Variants in IPCEF1 observed in about 807,000 individuals in gnomAD.
IPCEF1 encodes interactor protein for cytohesin exchange factors 1.
IPCEF1 carries 31 observed loss-of-function variants against 50.9 expected under a neutral mutation model. The ratio of observed to expected loss-of-function variants is 0.61; its 90% confidence interval spans 0.46 to 0.82. IPCEF1 has a LOEUF of 0.82. Ranked by LOEUF, IPCEF1 falls within the 40% of genes least tolerant of loss-of-function variation. IPCEF1 has a pLI of 0.00. For synonymous variants in IPCEF1, 181 were observed against 192.0 expected (o/e 0.94, Z 0.47); for missense variants, 458 against 514.0 (o/e 0.89, Z 1.05).
At chr6:154,173,004 G>A (rs148770767) in intron 10 of IPCEF1, among the ~76,000 whole-genome samples, 5 of 152,200 alleles carry the variant, frequency 3.3e-5, no homozygotes, top group Non-Finnish European at 5.9e-5. Context: ...TGCAGCCTCC[G>A]CTGGTGATAC....
At chr6:154,315,224 A>T (rs1168011877) in intron 1 of IPCEF1, among the ~76,000 whole-genome samples, 1 of 152,146 alleles carries the variant, frequency 6.6e-6, no homozygotes, top group Non-Finnish European at 1.5e-5. Flanking sequence ...TCTCCATTAG[A>T]CTAAAAGTCC....
chr6:154,157,460 G>C lies in IPCEF1; in HGVS notation c.*2368C>G, dbSNP rs1482930140. 1.3e-5 allele frequency: 2 copies of C among 152,222 alleles called. No individual in the cohort carries two copies. Among genetic ancestry groups the C allele is most frequent in the Admixed American group, 1.3e-4 (2 of 15,290 alleles). The allele number at this position is 152,222 out of a possible 1,614,324, so 9.4% of individuals were successfully genotyped here. ...TTAACTAGCAAAGCAAAAACTTCTA[G>C]GCTAATGTTCTTGACTTTGAAAAAT... On this transcript the variant is annotated 3_prime_UTR_variant, in exon 12 of 12. Coordinates refer to ENST00000367220, the MANE Select transcript of IPCEF1 (RefSeq NM_001130700.2).
At chr6:154,209,793 T>A (rs182973072) in intron 9 of IPCEF1, among the ~76,000 whole-genome samples, 3 of 152,198 alleles carry the variant, frequency 2.0e-5, no homozygotes, top group Admixed American at 2.0e-4. Context: ...AAATATGTGA[T>A]CAGGAGGAAC....
At chr6:154,286,663 G>A (rs974427609) in intron 2 of IPCEF1, among the ~76,000 whole-genome samples, 1 of 152,234 alleles carries the variant, frequency 6.6e-6, no homozygotes, top group Non-Finnish European at 1.5e-5. Flanking sequence ...AGAGGTGGAG[G>A]CTGTAAAATG....
chr6:154,308,963 AAAG>A (rs1374655523), intron 1 of IPCEF1, among the ~76,000 whole-genome samples: 1 of 152,264 alleles, frequency 6.6e-6, no homozygotes, highest in African/African-American at 2.4e-5. Context: ...TCTCATTTTA[AAAG>A]TGTAAACATC....
chr6:154,238,825 C>T (rs934201230), intron 5 of IPCEF1, among the ~76,000 whole-genome samples: 2 of 151,898 alleles, frequency 1.3e-5, no homozygotes, highest in Non-Finnish European at 2.9e-5. Flanking sequence ...GGATTACAGG[C>T]GTGAGCCACC....
intron 10 of IPCEF1, among the ~76,000 whole-genome samples, chr6:154,193,811 A>C (rs1312955883): frequency 1.3e-5 from 2 of 152,260 alleles, no homozygotes; most frequent in Non-Finnish European, 2.9e-5. Flanking sequence ...AAATGACCCC[A>C]GCATCAAACA....
chr6:154,273,716 C>G (rs998911934), intron 2 of IPCEF1, among the ~76,000 whole-genome samples: 6 of 28,034 alleles, frequency 2.1e-4, no homozygotes, highest in African/African-American at 4.8e-4. Flanking sequence ...TTCTTTCTTT[C>G]TTTCTTTCTT....
chr6:154,304,559 T>A (rs1050961029), intron 1 of IPCEF1, among the ~76,000 whole-genome samples: 24 of 152,204 alleles, frequency 1.6e-4, no homozygotes, highest in Admixed American at 6.5e-4. Flanking sequence ...ACCATTTATA[T>A]ATTCTGAATG....
intron 5 of IPCEF1, among the ~76,000 whole-genome samples, chr6:154,239,527 T>A (rs549524264): frequency 1.5e-4 from 23 of 152,322 alleles, no homozygotes; most frequent in African/African-American, 5.5e-4. Context: ...CTTTGATCCA[T>A]GAGTCATTGT....
At chr6:154,196,379 C>A (rs1293434712) in intron 10 of IPCEF1, among the ~76,000 whole-genome samples, 2 of 152,144 alleles carry the variant, frequency 1.3e-5, no homozygotes, top group Non-Finnish European at 2.9e-5. Flanking sequence ...AAACATCATG[C>A]ATGCTCTAGA....
intron 1 of IPCEF1, among the ~76,000 whole-genome samples, chr6:154,315,816 A>T (rs1018448261): frequency 2.7e-5 from 4 of 150,634 alleles, no homozygotes; most frequent in Non-Finnish European, 5.9e-5. Context: ...TCAAAATTAA[A>T]ATGTGCAATT....
chr6:154,317,513 C>T lies in IPCEF1; in HGVS notation c.-61-27757G>A, dbSNP rs190729587. ...GCAGTGAGCCAAGATTGCACCACTGCACTCCAACCTGGGCGACAGTGAGAG... is the reference window on the plus strand; with the variant it reads ...GCAGTGAGCCAAGATTGCACCACTGTACTCCAACCTGGGCGACAGTGAGAG... On this transcript the variant is annotated intron_variant, in intron 1 of 11. Coordinates refer to ENST00000367220, the MANE Select transcript of IPCEF1 (RefSeq NM_001130700.2). 9.1e-5 allele frequency among the ~76,000 whole-genome samples: 11 copies of T among 121,128 alleles called. No homozygotes were observed. In the East Asian group the frequency reaches 2.1e-3, roughly 23 times the overall value. The allele number at this position is 121,128 out of a possible 152,430, so 79.5% of individuals were successfully genotyped here. A position where few individuals can be genotyped will look rare whatever the true frequency, so the allele number is the denominator to read the frequency against.
intron 3 of IPCEF1, among the ~76,000 whole-genome samples, chr6:154,262,733 T>C (rs1438600369): frequency 1.3e-5 from 2 of 152,038 alleles, no homozygotes; most frequent in South Asian, 2.1e-4. Context: ...TTTTATGTCT[T>C]TGTTCCAAAT....
chr6:154,180,576 C>T (rs761656227), intron 10 of IPCEF1, among the ~76,000 whole-genome samples: 22 of 152,066 alleles, frequency 1.4e-4, no homozygotes, highest in Non-Finnish European at 2.8e-4. Flanking sequence ...TCTGCTCTGA[C>T]AGCACAGGCA....
intron 10 of IPCEF1, among the ~76,000 whole-genome samples, chr6:154,186,553 T>C (rs114211643): frequency 0.016 from 2,412 of 149,708 alleles, 62 homozygotes; most frequent in African/African-American, 0.055. Context: ...CTCCTTTCTT[T>C]CTTTTTTTCT....
intron 9 of IPCEF1, among the ~76,000 whole-genome samples, chr6:154,205,319 A>G (rs189214053): frequency 3.8e-4 from 58 of 152,212 alleles, no homozygotes; most frequent in Non-Finnish European, 6.5e-4. Context: ...CATTGGCTAG[A>G]TGTGGAGGCT....
chr6:154,274,731 A>G (rs1210649244), intron 2 of IPCEF1, among the ~76,000 whole-genome samples: 1 of 152,134 alleles, frequency 6.6e-6, no homozygotes, highest in South Asian at 2.1e-4. Context: ...GCAAGCAGAG[A>G]CCAGCCGTGG....
In IPCEF1 at chr6:154,295,878, CACACACACACATGCGT is replaced by C. The variant is rs1371181581; in HGVS notation, c.-61-6138_-61-6123del. On this transcript the variant is annotated intron_variant, in intron 1 of 11. Transcript: ENST00000367220. ...ACACATGTGCACACGCACACACACA[CACACACACACATGCGT>C]ACACACACACACACACGCACACACA... 3.6e-5 allele frequency among the ~76,000 whole-genome samples: 5 copies of C among 140,082 alleles called. No individual in the cohort carries two copies. In the South Asian group the frequency reaches 9.4e-4, roughly 26 times the overall value. 91.9% of individuals were successfully genotyped at this position (140,082 alleles called of 152,430 possible).
Sources: gnomAD v4.1 joint callset for allele counts (sites outside exome capture counted in the v4.1 genomes callset) on GRCh38, gnomAD v4.1.1 for gene constraint, MANE v1.5 for transcripts, NCBI Gene and HGNC (gene_info 2026-07-23, HGNC 2026-07-21) for gene names.